The following DLG5 variants were observed in gnomAD, a reference collection of about 807,000 sequenced individuals.
The protein encoded by DLG5 is disks large homolog 5.
A neutral mutation model predicts 189.8 loss-of-function variants in DLG5; 48 were observed. The ratio of observed to expected loss-of-function variants is 0.25; its 90% CI spans 0.20 to 0.32. DLG5 has a LOEUF of 0.32. Ranked by LOEUF, DLG5 falls within the 10% of genes least tolerant of loss-of-function variation. The pLI is 1.00. For missense variants in DLG5, 2,160 were observed against 2,544.7 expected (o/e 0.85, Z 3.25); for synonymous variants, 1,016 against 1,054.1 (o/e 0.96, Z 0.70).
At chr10:77,809,864 C>T in intron 23 of DLG5, 134 bp from the exon 24 acceptor site, 1 of 1,062,740 alleles carries the variant, frequency 9.4e-7, no homozygotes, top group Non-Finnish European at 1.4e-6. Context: ...GAGAGGTGGC[C>T]TCTAGTTCTA....
chr10:77,918,394 A>T (rs1373719734), intron 1 of DLG5, among the ~76,000 whole-genome samples: 2 of 152,180 alleles, frequency 1.3e-5, no homozygotes, highest in Non-Finnish European at 2.9e-5. Context: ...CCTAGGTGAC[A>T]GAGTGAGACT....
At chr10:77,877,765 A>T (rs1023185209) in intron 1 of DLG5, among the ~76,000 whole-genome samples, 5 of 152,148 alleles carry the variant, frequency 3.3e-5, no homozygotes, top group African/African-American at 1.2e-4. Context: ...GGATGGGGCC[A>T]TCGTGCTATG....
intron 31 of DLG5, chr10:77,793,272 C>CCACACA (rs59847887): frequency 2.0e-5 from 3 of 150,580 alleles, no homozygotes; most frequent in South Asian, 2.1e-4. Context: ...ACACACACAC[C>CCACACA]CACACACACA....
intron 12 of DLG5, 91 bp from the exon 13 acceptor site, chr10:77,829,076 A>G: frequency 7.2e-7 from 1 of 1,386,300 alleles, no homozygotes; most frequent in South Asian, 1.2e-5. Flanking sequence ...TCTTCTTACA[A>G]AAGAGGATGT....
rs749937796 is a variant in DLG5 at position 77,926,226 on chromosome 10, C to G, written c.295G>C (p.Glu99Gln). The G allele has an allele frequency of 6.7e-7, 1 of 1,490,938 alleles. No individual in the cohort carries two copies. The highest frequency in any genetic ancestry group is 9.0e-7 in the Non-Finnish European group (1 of 1,117,200). The allele number at this position is 1,490,938 out of a possible 1,614,324, so 92.4% of individuals were successfully genotyped here. The change falls in exon 1 of 32, where the codon GAA becomes CAA. Residue 99 changes from glutamate to glutamine, a missense_variant. Glu to Gln is a conservative substitution (Grantham distance 29). Around this residue, in one of 5 missense-constraint regions of DLG5, gnomAD observed 664 missense variants for 838.5 expected, o/e 0.79. Transcript: ENST00000372391. The surrounding 1 kb of genome is among the most constrained non-coding windows in gnomAD (Gnocchi z 5.2). Reference sequence around the variant, plus strand: ...AGGGTCTGCCACTCACCCGCGCCTTCGGCGGGCTGCGGCGGCCCGACGACG... The same window carrying G: ...AGGGTCTGCCACTCACCCGCGCCTTGGGCGGGCTGCGGCGGCCCGACGACG... ...NGVVGPPQPAEGAGSTYSVLS... is the reference protein window; with the variant it reads ...NGVVGPPQPAQGAGSTYSVLS...
chr10:77,912,095 G>A (rs1036528589), intron 1 of DLG5, among the ~76,000 whole-genome samples: 5 of 150,820 alleles, frequency 3.3e-5, no homozygotes, highest in Non-Finnish European at 7.4e-5. Context: ...TAGCTACTCA[G>A]GGAGGCTGAG....
intron 27 of DLG5, among the ~76,000 whole-genome samples, chr10:77,798,941 A>T (rs1841065374): frequency 6.6e-6 from 1 of 152,232 alleles, no homozygotes; most frequent in Admixed American, 6.5e-5. Flanking sequence ...GTGTAATCCC[A>T]GCTTTGTTGT....
chr10:77,819,687 G>T, intron 16 of DLG5: 2 of 1,046,480 alleles, frequency 1.9e-6, no homozygotes, highest in Non-Finnish European at 2.7e-6. Flanking sequence ...TTCCCAGGTT[G>T]CTATGGGGAG....
intron 1 of DLG5, among the ~76,000 whole-genome samples, chr10:77,893,309 A>C (rs1259185687): frequency 6.6e-6 from 1 of 152,214 alleles, no homozygotes; most frequent in East Asian, 1.9e-4. Flanking sequence ...TCAGGGGACA[A>C]AGGTATTCAC....
intron 5 of DLG5, among the ~76,000 whole-genome samples, chr10:77,852,577 G>A (rs933578535): frequency 1.3e-5 from 2 of 151,674 alleles, no homozygotes; most frequent in Admixed American, 6.6e-5. Flanking sequence ...CACCACGCCC[G>A]GCTAATTTTT....
intron 1 of DLG5, among the ~76,000 whole-genome samples, chr10:77,876,538 C>T (rs1040120113): frequency 5.3e-5 from 8 of 151,668 alleles, no homozygotes; most frequent in Non-Finnish European, 8.8e-5. Flanking sequence ...CCATGCCTGG[C>T]TATTTTGTAT....
At chr10:77,904,559 T>C (rs1846019260) in intron 1 of DLG5, among the ~76,000 whole-genome samples, 1 of 152,212 alleles carries the variant, frequency 6.6e-6, no homozygotes, top group Admixed American at 6.5e-5. Context: ...GGGAGGTAAC[T>C]GAATCATAAG....
intron 27 of DLG5, among the ~76,000 whole-genome samples, chr10:77,797,480 G>A (rs1840981240): frequency 6.6e-6 from 1 of 152,234 alleles, no homozygotes; most frequent in African/African-American, 2.4e-5. Context: ...AAGAGAGCAC[G>A]CAAGAGCTGC....
At chr10:77,800,159 A>C (rs1298110577) in intron 27 of DLG5, among the ~76,000 whole-genome samples, 1 of 152,206 alleles carries the variant, frequency 6.6e-6, no homozygotes, top group African/African-American at 2.4e-5. Context: ...TTCAAAACCC[A>C]CTGTGCATTA....
intron 1 of DLG5, among the ~76,000 whole-genome samples, chr10:77,876,517 G>A (rs551740251): frequency 6.6e-6 from 1 of 152,016 alleles, no homozygotes; most frequent in Admixed American, 6.5e-5. Flanking sequence ...TGGGACTACA[G>A]GCATGCACCA....
At chr10:77,878,693 G>T (rs549678697) in intron 1 of DLG5, among the ~76,000 whole-genome samples, 24 of 152,126 alleles carry the variant, frequency 1.6e-4, no homozygotes, top group Non-Finnish European at 3.4e-4. Flanking sequence ...GGATAAGGAG[G>T]CTTCCTCTCC....
intron 5 of DLG5, chr10:77,846,765 C>A (rs974330602): frequency 6.6e-6 from 3 of 455,698 alleles, no homozygotes; most frequent in Admixed American, 4.7e-5. Context: ...ACCCCATTGG[C>A]TCCAAATGAG....
Position 77,806,757 on chromosome 10 carries a change from C to G in DLG5, c.4967+1G>C. ...CCACCCCAGGCCCGGAGAACACTTA[C>G]ACATATTTGCTGGGAATCTGCCCGC... On this transcript the variant is annotated splice_donor_variant, in intron 26 of 31. Coordinates refer to ENST00000372391, the MANE Select transcript of DLG5 (RefSeq NM_004747.4). LOFTEE classifies it high-confidence loss of function. 2 of 938,432 alleles carry G rather than the reference C, an allele frequency of 2.1e-6. No individual in the cohort carries two copies. The highest frequency in any genetic ancestry group is 3.2e-6 in the Non-Finnish European group (2 of 631,414). 58.1% of individuals were successfully genotyped at this position (938,432 alleles called of 1,614,324 possible).
chr10:77,855,087 C>T (rs1268063897), intron 3 of DLG5, among the ~76,000 whole-genome samples: 5 of 152,282 alleles, frequency 3.3e-5, no homozygotes, highest in South Asian at 2.1e-4. Context: ...ATCTTGGGTA[C>T]ACATTAAAAT....
Sources: allele counts gnomAD v4.1 joint callset (sites outside exome capture counted in the v4.1 genomes callset), GRCh38; gene constraint gnomAD v4.1.1; regional missense constraint gnomAD v4.1.1; non-coding constraint Gnocchi (gnomAD v3.1); transcripts MANE v1.5; gene names NCBI Gene and HGNC (gene_info 2026-07-23, HGNC 2026-07-21).